Variants in COL25A1 observed in about 807,000 individuals in gnomAD.
The protein encoded by COL25A1 is collagen alpha-1(XXV) chain.
A neutral mutation model predicts 128.4 loss-of-function variants in COL25A1; 103 were observed. That is an observed-to-expected ratio of 0.80 (90% CI 0.68 to 0.94). The LOEUF is 0.94. Among genes scored for constraint, COL25A1 ranks in the 40% least tolerant of loss-of-function variants. The pLI, the probability that COL25A1 is intolerant of heterozygous loss-of-function variation, is 0.00. For synonymous variants in COL25A1, 279 were observed against 277.2 expected, an observed-to-expected ratio of 1.01 and a Z score of -0.06; for missense variants, 745 against 840.0, an observed-to-expected ratio of 0.89 and a Z score of 1.40.
intron 33 of COL25A1, among the ~76,000 whole-genome samples, chr4:108,825,567 G>A (rs1732275082): frequency 6.6e-6 from 1 of 152,020 alleles, no homozygotes; most frequent in South Asian, 2.1e-4. Context: ...TGATATATTG[G>A]GTTAAATAGA....
At chr4:108,855,622 A>T (rs1225413368) in intron 24 of COL25A1, among the ~76,000 whole-genome samples, 2 of 152,130 alleles carry the variant, frequency 1.3e-5, no homozygotes, top group Non-Finnish European at 2.9e-5. Flanking sequence ...GTATTTTTTT[A>T]AATTTAAAGA....
intron 8 of COL25A1, among the ~76,000 whole-genome samples, chr4:108,945,703 A>G (rs113032805): frequency 0.083 from 12,615 of 152,132 alleles, 1,054 homozygotes; most frequent in African/African-American, 0.21. Flanking sequence ...CTGGCTCTTC[A>G]CCCAGGCTGG....
intron 3 of COL25A1, among the ~76,000 whole-genome samples, chr4:109,107,973 C>T (rs1444114414): frequency 1.3e-5 from 2 of 152,188 alleles, no homozygotes; most frequent in Non-Finnish European, 2.9e-5. Context: ...TTCTTTTCAT[C>T]TAAAAGGTAT....
chr4:108,857,922 C>G (rs78350544), intron 24 of COL25A1, among the ~76,000 whole-genome samples: 1 of 152,046 alleles, frequency 6.6e-6, no homozygotes, highest in East Asian at 1.9e-4. Context: ...AATAGTAAAC[C>G]ACTAGAACCC....
chr4:109,100,861 T>G (rs1765828155), intron 3 of COL25A1, among the ~76,000 whole-genome samples: 1 of 152,198 alleles, frequency 6.6e-6, no homozygotes, highest in Admixed American at 6.5e-5. Context: ...CGATTCCAAT[T>G]GCTTCATAAT....
At chr4:109,075,373 T>C (rs1481062526) in intron 3 of COL25A1, among the ~76,000 whole-genome samples, 1 of 152,084 alleles carries the variant, frequency 6.6e-6, no homozygotes, top group Non-Finnish European at 1.5e-5. Flanking sequence ...GAGCTAGATG[T>C]ATATACAAAC....
intron 8 of COL25A1, among the ~76,000 whole-genome samples, chr4:108,947,169 C>G (rs909987615): frequency 6.6e-6 from 1 of 151,980 alleles, no homozygotes; most frequent in African/African-American, 2.4e-5. Flanking sequence ...AATGGCTGGG[C>G]GCGGTGGCTC....
At chr4:108,997,827 A>T (rs1754925156) in intron 6 of COL25A1, among the ~76,000 whole-genome samples, 1 of 152,192 alleles carries the variant, frequency 6.6e-6, no homozygotes, top group South Asian at 2.1e-4. Flanking sequence ...AACATACACA[A>T]ATCAATACAC....
chr4:108,969,580 A>G (rs985546281), intron 8 of COL25A1, among the ~76,000 whole-genome samples: 7 of 152,096 alleles, frequency 4.6e-5, no homozygotes, highest in African/African-American at 1.7e-4. Context: ...TATTTTGGTG[A>G]CCACTTTGGA....
At chr4:109,069,601 T>C (rs1016532204) in intron 3 of COL25A1, among the ~76,000 whole-genome samples, 1 of 152,198 alleles carries the variant, frequency 6.6e-6, no homozygotes, top group Non-Finnish European at 1.5e-5. Flanking sequence ...AGTGTAAGTA[T>C]GCTGAAGTCA....
rs377317943 is a variant in COL25A1, at chr4:108,971,784, T to A, written c.492+2583A>T. On this transcript the variant is annotated intron_variant, in intron 8 of 37. Coordinates refer to ENST00000399132, the MANE Select transcript of COL25A1 (RefSeq NM_198721.4). ...AAAATGGATTATATAAGGTTAAGAGTGGAAATAGAAAGATTAATTGGAAAG... is the reference window on the plus strand; with the variant it reads ...AAAATGGATTATATAAGGTTAAGAGAGGAAATAGAAAGATTAATTGGAAAG... Among the ~76,000 whole-genome samples the A allele has an allele frequency of 3.1e-4, 47 of 151,998 alleles. No individual in the cohort carries two copies. The South Asian group carries it at 9.8e-3, about 32-fold the overall frequency.
At chr4:109,063,504 A>T (rs1762159915) in intron 3 of COL25A1, among the ~76,000 whole-genome samples, 1 of 145,258 alleles carries the variant, frequency 6.9e-6, no homozygotes, top group Non-Finnish European at 1.5e-5. Flanking sequence ...CTCCAACTCA[A>T]AAAAAAAAAA....
chr4:109,254,478 T>TATAC (rs1780923794), intron 3 of COL25A1, among the ~76,000 whole-genome samples: 1 of 93,198 alleles, frequency 1.1e-5, no homozygotes, highest in African/African-American at 7.2e-5. Flanking sequence ...TTTATATATA[T>TATAC]ATATATATAT....
chr4:109,004,201 A>G (rs945626870), intron 6 of COL25A1, among the ~76,000 whole-genome samples: 3 of 152,108 alleles, frequency 2.0e-5, no homozygotes, highest in Non-Finnish European at 2.9e-5. Flanking sequence ...TATGACTGTA[A>G]AAGAGTTTGT....
intron 3 of COL25A1, among the ~76,000 whole-genome samples, chr4:109,273,932 C>G (rs932773644): frequency 8.5e-5 from 13 of 152,116 alleles, no homozygotes; most frequent in Non-Finnish European, 1.5e-4. Context: ...TTTAAATACA[C>G]CAAGTTGTTA....
intron 3 of COL25A1, among the ~76,000 whole-genome samples, chr4:109,219,212 G>A (rs1778253755): frequency 6.6e-6 from 1 of 152,116 alleles, no homozygotes; most frequent in Admixed American, 6.6e-5. Context: ...AGAAGGAACT[G>A]TGCAGATGAT....
At chr4:109,083,003 A>G (rs1203567269) in intron 3 of COL25A1, among the ~76,000 whole-genome samples, 1 of 152,178 alleles carries the variant, frequency 6.6e-6, no homozygotes, top group Non-Finnish European at 1.5e-5. Flanking sequence ...ATTTATGAAA[A>G]CTGTAGCATA....
chr4:109,197,297 G>A (rs1423695915), intron 3 of COL25A1, among the ~76,000 whole-genome samples: 1 of 143,944 alleles, frequency 6.9e-6, no homozygotes, highest in African/African-American at 2.6e-5. Flanking sequence ...CTGCACTTCA[G>A]CCTGGGCAAC....
At chr4:109,261,650 G>A (rs1164388469) in intron 3 of COL25A1, among the ~76,000 whole-genome samples, 1 of 151,850 alleles carries the variant, frequency 6.6e-6, no homozygotes, top group African/African-American at 2.4e-5. Flanking sequence ...TGACTTACAC[G>A]GGTAATAATA....
Sources: gnomAD v4.1 joint callset for allele counts (sites outside exome capture counted in the v4.1 genomes callset) on GRCh38, gnomAD v4.1.1 for gene constraint, MANE v1.5 for transcripts, NCBI Gene and HGNC (gene_info 2026-07-23, HGNC 2026-07-21) for gene names.